The following EPHA6 variants were observed in gnomAD, a reference collection of about 807,000 sequenced individuals.
EPHA6 encodes EPH receptor A6, also known as ephrin type-A receptor 6.
A neutral mutation model predicts 112.0 loss-of-function variants in EPHA6; 50 were observed. The ratio of observed to expected loss-of-function variants is 0.45; its 90% CI spans 0.36 to 0.56. The LOEUF is 0.56. Ranked by LOEUF, EPHA6 falls within the 20% of genes least tolerant of loss-of-function variation. EPHA6 has a pLI of 0.00. For missense variants in EPHA6, 1,280 were observed against 1,417.4 expected (o/e 0.90, Z 1.56); for synonymous variants, 529 against 490.7 (o/e 1.08, Z -1.03).
chr3:97,176,312 A>G (rs1233272622), intron 3 of EPHA6, among the ~76,000 whole-genome samples: 2 of 151,818 alleles, frequency 1.3e-5, no homozygotes, highest in Non-Finnish European at 2.9e-5. Context: ...TGTTTAGTTG[A>G]GGATTTTTTC....
chr3:97,002,878 A>G (rs183817877), intron 3 of EPHA6, among the ~76,000 whole-genome samples: 24 of 152,288 alleles, frequency 1.6e-4, no homozygotes, highest in Non-Finnish European at 3.1e-4. Flanking sequence ...GACTATATTT[A>G]AAATATATAG....
intron 13 of EPHA6, among the ~76,000 whole-genome samples, chr3:97,621,205 TAAATGATGAGA>T (rs2093811478): frequency 6.6e-6 from 1 of 151,912 alleles, no homozygotes; most frequent in Non-Finnish European, 1.5e-5. Context: ...AAGTGAGAAC[TAAATGATGAGA>T]ACACATGGAC....
intron 3 of EPHA6, among the ~76,000 whole-genome samples, chr3:97,103,690 A>C (rs942437766): frequency 2.6e-5 from 4 of 152,030 alleles, no homozygotes; most frequent in Non-Finnish European, 4.4e-5. Context: ...TGAAAATGTC[A>C]TTGGGAGTTT....
intron 14 of EPHA6, among the ~76,000 whole-genome samples, chr3:97,705,759 C>T (rs1035867867): frequency 6.6e-6 from 1 of 152,144 alleles, no homozygotes; most frequent in Non-Finnish European, 1.5e-5. Context: ...CTGGATTGAC[C>T]TTTTAAAAGA....
intron 2 of EPHA6, among the ~76,000 whole-genome samples, chr3:96,877,368 A>T (rs1418669582): frequency 1.3e-5 from 2 of 152,120 alleles, no homozygotes; most frequent in Admixed American, 6.5e-5. Flanking sequence ...GACCTACAAA[A>T]TAAAAAGACT....
intron 3 of EPHA6, among the ~76,000 whole-genome samples, chr3:97,028,341 A>G (rs1009603950): frequency 2.0e-5 from 3 of 152,170 alleles, no homozygotes; most frequent in African/African-American, 4.8e-5. Flanking sequence ...GGAGGATTAA[A>G]TGAGACAATA....
At chr3:97,400,653 A>G (rs558447601) in intron 5 of EPHA6, among the ~76,000 whole-genome samples, 4 of 151,576 alleles carry the variant, frequency 2.6e-5, no homozygotes, top group Non-Finnish European at 5.9e-5. Flanking sequence ...TTGGTTAAAT[A>G]TATTCCTAGA....
At chr3:97,388,823 G>A (rs2109052030) in intron 5 of EPHA6, among the ~76,000 whole-genome samples, 1 of 152,258 alleles carries the variant, frequency 6.6e-6, no homozygotes, top group South Asian at 2.1e-4. Context: ...TGTAGAGGGA[G>A]TAGGACAACC....
At chr3:97,710,724 A>T (rs1012696243) in intron 14 of EPHA6, among the ~76,000 whole-genome samples, 3 of 152,230 alleles carry the variant, frequency 2.0e-5, no homozygotes, top group Non-Finnish European at 4.4e-5. Context: ...GAGGGCCAAG[A>T]AGCCAGGATT....
At chr3:97,284,418 C>A (rs2080394683) in intron 5 of EPHA6, among the ~76,000 whole-genome samples, 1 of 152,112 alleles carries the variant, frequency 6.6e-6, no homozygotes, top group Non-Finnish European at 1.5e-5. Context: ...ATTCTGAGAA[C>A]ATCTTACTTC....
At chr3:96,995,158 T>C (rs923407685) in intron 3 of EPHA6, among the ~76,000 whole-genome samples, 2 of 152,196 alleles carry the variant, frequency 1.3e-5, no homozygotes, top group Admixed American at 6.6e-5. Context: ...CGCAATCCTC[T>C]GCTGCAGTTC....
intron 15 of EPHA6, among the ~76,000 whole-genome samples, chr3:97,734,033 C>T (rs2035150809): frequency 6.6e-6 from 1 of 151,984 alleles, no homozygotes; most frequent in Non-Finnish European, 1.5e-5. Context: ...AGGCAAGTTT[C>T]CTTATTCCTC....
At position 97,324,110 on chromosome 3, in the gene EPHA6, C is replaced by T. The variant is rs1187510954; in HGVS notation, c.1606+79823C>T. ...AGAAACCTTATTTTCCCAACCTGTC[C>T]CTCACAGACCCTTCACTTTTCCTAT... On this transcript the variant is annotated intron_variant, in intron 5 of 17. Transcript: ENST00000389672. 2.6e-5 allele frequency among the ~76,000 whole-genome samples: 4 copies of T among 151,948 alleles called. No individual in the cohort carries two copies. In the East Asian group the frequency reaches 7.7e-4, roughly 29 times the overall value.
chr3:97,543,163 C>G (rs925818107), intron 11 of EPHA6, among the ~76,000 whole-genome samples: 1 of 152,120 alleles, frequency 6.6e-6, no homozygotes. Context: ...ACATGAAGTC[C>G]TTGCCCATGC....
At chr3:97,422,640 T>C (rs1018676436) in intron 6 of EPHA6, among the ~76,000 whole-genome samples, 1 of 152,118 alleles carries the variant, frequency 6.6e-6, no homozygotes, top group Non-Finnish European at 1.5e-5. Flanking sequence ...TTCTCAGCTG[T>C]ACATAGCACA....
At chr3:97,411,159 G>T (rs924886525) in intron 6 of EPHA6, among the ~76,000 whole-genome samples, 4 of 151,658 alleles carry the variant, frequency 2.6e-5, no homozygotes, top group Non-Finnish European at 2.9e-5. Context: ...GACAGCAAGG[G>T]AATTTACTGA....
chr3:97,682,541 T>A (rs751061473), intron 14 of EPHA6, among the ~76,000 whole-genome samples: 1 of 152,140 alleles, frequency 6.6e-6, no homozygotes, highest in Non-Finnish European at 1.5e-5. Context: ...GAGCAAGTCA[T>A]GTCTCAATTT....
intron 3 of EPHA6, among the ~76,000 whole-genome samples, chr3:97,101,692 C>T (rs746174933): frequency 9.9e-5 from 15 of 152,024 alleles, no homozygotes; most frequent in African/African-American, 1.4e-4. Context: ...TCTAAATAGA[C>T]ATTTTACTTT....
intron 3 of EPHA6, among the ~76,000 whole-genome samples, chr3:97,022,211 T>C (rs1452557641): frequency 1.3e-5 from 2 of 152,146 alleles, no homozygotes; most frequent in Non-Finnish European, 2.9e-5. Context: ...TTATATTAAG[T>C]ATACCACTGA....
Sources: gnomAD v4.1 joint callset for allele counts (sites outside exome capture counted in the v4.1 genomes callset) on GRCh38, gnomAD v4.1.1 for gene constraint, MANE v1.5 for transcripts, NCBI Gene and HGNC (gene_info 2026-07-23, HGNC 2026-07-21) for gene names.